The following AK2 variants were observed in gnomAD, a reference collection of about 807,000 sequenced individuals.
AK2 encodes adenylate kinase 2.
A neutral mutation model predicts 24.6 loss-of-function variants in AK2; 15 were observed. That is an observed-to-expected ratio of 0.61 (90% CI 0.41 to 0.94). The LOEUF is 0.94. Ranked by LOEUF, AK2 falls within the 40% of genes least tolerant of loss-of-function variation. The pLI is 0.00. For missense variants in AK2, 257 were observed against 304.1 expected, an observed-to-expected ratio of 0.85 and a Z score of 1.15; for synonymous variants, 102 against 114.0, an observed-to-expected ratio of 0.90 and a Z score of 0.67.
intron 4 of AK2, chr1:33,020,004 A>G: frequency 6.7e-7 from 1 of 1,502,674 alleles, no homozygotes; most frequent in East Asian, 2.5e-5. Context: ...AAGGGAATGG[A>G]GGGTCCATTT....
At chr1:33,015,558 G>A (rs956745848) in intron 4 of AK2, among the ~76,000 whole-genome samples, 4 of 152,208 alleles carry the variant, frequency 2.6e-5, no homozygotes, top group Admixed American at 6.5e-5. Context: ...AGGTCTATTA[G>A]ACTAGAGCTC....
At chr1:33,016,246 C>T (rs1230104412) in intron 4 of AK2, among the ~76,000 whole-genome samples, 1 of 152,184 alleles carries the variant, frequency 6.6e-6, no homozygotes, top group Non-Finnish European at 1.5e-5. Flanking sequence ...GAGTCTCCCT[C>T]TGTCACCCAG....
At position 33,013,304 on chromosome 1, in the gene AK2, C is replaced by T. The variant is rs150186080; in HGVS notation, c.597G>A (p.Glu199=). ...AGTGGATCCCCCGTTTCCTGTAGTA[C>T]TCTATGAGTGGGGTGGTTTGAGTGT... ...AYHTQTTPLI[E]YYRKRGIHSA... is the part of the protein sequence containing the mutation. Residue 199 remains glutamate, a synonymous_variant, in exon 6 of 6, where the codon GAG becomes GAA. Transcript: ENST00000672715. 2.2e-4 allele frequency: 355 copies of T among 1,614,130 alleles called. No homozygotes were observed. In the African/African-American group the frequency reaches 4.1e-3, roughly 19 times the overall value.
At chr1:33,024,421 C>A (rs767602250) in intron 2 of AK2, 21 bp downstream of exon 2, 1 of 1,613,270 alleles carries the variant, frequency 6.2e-7, no homozygotes, top group South Asian at 1.1e-5. Context: ...TATCAACACT[C>A]ATTGGTACCA....
chr1:33,014,625 T>C lies in AK2; in HGVS notation c.426-31A>G, dbSNP rs150498169. On this transcript the variant is annotated intron_variant, in intron 4 of 5. Transcript: ENST00000672715. ...AGACAGCAAATGAATATGAGTTAGG[T>C]TAACTGACAGTACGCGCCTGCACTC... The C allele has an allele frequency of 1.1e-5, 17 of 1,591,986 alleles. No homozygotes were observed. The East Asian group carries it at 3.8e-4, about 36-fold the overall frequency.
At chr1:33,016,675 A>G (rs535098970) in intron 4 of AK2, among the ~76,000 whole-genome samples, 7 of 151,964 alleles carry the variant, frequency 4.6e-5, no homozygotes, top group African/African-American at 1.7e-4. Flanking sequence ...TGCCTGGCTA[A>G]TTCTTTTATT....
At chr1:33,031,165 C>A (rs1017488903) in intron 1 of AK2, 6 of 153,752 alleles carry the variant, frequency 3.9e-5, no homozygotes, top group African/African-American at 1.4e-4. Context: ...TGAACTAACC[C>A]AACATTCAAA....
At chr1:33,028,084 C>A (rs1438680289) in intron 1 of AK2, among the ~76,000 whole-genome samples, 1 of 152,182 alleles carries the variant, frequency 6.6e-6, no homozygotes, top group African/African-American at 2.4e-5. Context: ...TTCTTCTTTG[C>A]ATTAGTCTTT....
chr1:33,015,366 C>T (rs1639118091), intron 4 of AK2, among the ~76,000 whole-genome samples: 3 of 152,240 alleles, frequency 2.0e-5, no homozygotes, highest in African/African-American at 7.2e-5. Flanking sequence ...TGAGTCCCTA[C>T]AGACAACAAG....
At chr1:33,029,870 G>A (rs535658367) in intron 1 of AK2, among the ~76,000 whole-genome samples, 1 of 152,306 alleles carries the variant, frequency 6.6e-6, no homozygotes, top group Non-Finnish European at 1.5e-5. Context: ...TCCAGTCTTT[G>A]TCACTCCTGC....
At position 33,012,977 on chromosome 1, in the gene AK2, T is replaced by A. The variant is rs767237080; in HGVS notation, c.*204A>T. ...TACAAAGTAGCAGAGTGAACACATA[T>A]GTGCATGCACACACACACACACACA... On this transcript the variant is annotated 3_prime_UTR_variant, in exon 6 of 6. Transcript: ENST00000672715. The A allele has an allele frequency of 1.9e-6, 3 of 1,576,816 alleles. No homozygotes were observed. Among genetic ancestry groups the A allele is most frequent in the South Asian group, 2.2e-5 (2 of 89,440 alleles).
chr1:33,015,055 A>G (rs1300284228), intron 4 of AK2, among the ~76,000 whole-genome samples: 1 of 152,242 alleles, frequency 6.6e-6, no homozygotes, highest in Non-Finnish European at 1.5e-5. Flanking sequence ...ATAATCCTTT[A>G]ACAGAGATTT....
intron 1 of AK2, among the ~76,000 whole-genome samples, chr1:33,033,313 T>C (rs574867580): frequency 3.3e-5 from 5 of 152,084 alleles, no homozygotes; most frequent in Non-Finnish European, 7.4e-5. Flanking sequence ...AGGAGCCCGG[T>C]AGTTCAAGAC....
Position 33,010,852 on chromosome 1 carries a change from A to G in AK2, c.*2329T>C, listed in dbSNP as rs1160974512. On this transcript the variant is annotated 3_prime_UTR_variant, in exon 6 of 6. Coordinates refer to ENST00000672715, the MANE Select transcript of AK2 (RefSeq NM_001625.4). The stretch of plus-strand genomic sequence containing the variant: ...TACTAGGCTGAAATAGAGAGGAAAC[A>G]AGAGAGAACAAAATGGGTTTTTAAA... 3.1e-6 allele frequency: 5 copies of G among 1,599,918 alleles called. No homozygotes were observed. Among genetic ancestry groups the G allele is most frequent in the Middle Eastern group, 1.7e-4 (1 of 6,038 alleles).
chr1:33,024,422 A>T lies in AK2; in HGVS notation c.219+20T>A, dbSNP rs377400886. The T allele has an allele frequency of 6.2e-7, 1 of 1,613,218 alleles. No homozygotes were observed. The highest frequency in any genetic ancestry group is 1.3e-5 in the African/African-American group (1 of 74,914). ...TAGATTCTGAGGAATATCAACACTC[A>T]TTGGTACCACCAAACCTACCAGTTT... is the stretch of plus-strand genomic sequence containing the variant. On this transcript the variant is annotated intron_variant, in intron 2 of 5. Coordinates refer to ENST00000672715, the MANE Select transcript of AK2 (RefSeq NM_001625.4).
At chr1:33,030,363 C>T (rs528075730) in intron 1 of AK2, among the ~76,000 whole-genome samples, 80 of 152,178 alleles carry the variant, frequency 5.3e-4, no homozygotes, top group African/African-American at 1.5e-3. Context: ...GAGACCAGTC[C>T]GGGCAACACA....
In AK2 at chr1:33,012,076, T is replaced by G; in HGVS notation, c.*1105A>C. On this transcript the variant is annotated 3_prime_UTR_variant, in exon 6 of 6. Transcript: ENST00000672715. ...AAAATAAAAGCAAATAAACCTACCC[T>G]GGTCTCTTTTTGGGGAAGTAGATTT... The G allele has an allele frequency of 6.5e-7, 1 of 1,535,466 alleles. No individual in the cohort carries two copies.
Position 33,010,267 on chromosome 1 carries a change from T to TC in AK2, c.*2913dup, listed in dbSNP as rs1638724530. On this transcript the variant is annotated 3_prime_UTR_variant, in exon 6 of 6. Transcript: ENST00000672715. Reference sequence around the variant, plus strand: ...CCTTTCCATTTCATTCCCTTCCCCCTCCCCTTGATTCCAGTTTGCTTGATT... The same window carrying TC: ...CCTTTCCATTTCATTCCCTTCCCCCTCCCCCTTGATTCCAGTTTGCTTGATT... The TC allele has an allele frequency of 2.2e-6, 1 of 454,666 alleles. No individual in the cohort carries two copies. Among genetic ancestry groups the TC allele is most frequent in the African/African-American group, 2.0e-5 (1 of 50,068 alleles). The allele number at this position is 454,666 out of a possible 1,614,324, so 28.2% of individuals were successfully genotyped here. A position where few individuals can be genotyped will look rare whatever the true frequency, so the allele number is the denominator to read the frequency against.
Position 33,009,268 on chromosome 1 carries a change from A to G in AK2, c.*3913T>C, listed in dbSNP as rs1454983491. 2.2e-6 allele frequency: 1 copy of G among 453,968 alleles called. No individual in the cohort carries two copies. The highest frequency in any genetic ancestry group is 2.0e-5 in the African/African-American group (1 of 49,996). The allele number at this position is 453,968 out of a possible 1,614,324, so 28.1% of individuals were successfully genotyped here. The stretch of plus-strand genomic sequence containing the variant: ...ACTTGCAAAGGCAGCCCTTCCAAAA[A>G]CATGAGAGCTTTAGTTTGGAGAAAT... On this transcript the variant is annotated 3_prime_UTR_variant, in exon 6 of 6. Coordinates refer to ENST00000672715, the MANE Select transcript of AK2 (RefSeq NM_001625.4).
Sources: allele counts gnomAD v4.1 joint callset (sites outside exome capture counted in the v4.1 genomes callset), GRCh38; gene constraint gnomAD v4.1.1; transcripts MANE v1.5; gene names NCBI Gene and HGNC (gene_info 2026-07-23, HGNC 2026-07-21).